Variants in CADM2 observed in about 807,000 individuals in gnomAD.
CADM2 encodes cell adhesion molecule 2.
In CADM2, 12 loss-of-function variants were observed where a neutral mutation model predicts 49.8. That is an observed-to-expected ratio of 0.24 (90% CI 0.15 to 0.39). The LOEUF (loss-of-function observed/expected upper bound fraction) is 0.39. Among genes scored for constraint, CADM2 ranks in the 10% least tolerant of loss-of-function variants. CADM2 has a pLI of 1.00. For missense variants in CADM2, 378 were observed against 492.3 expected (o/e 0.77, Z 2.20); for synonymous variants, 214 against 175.4 (o/e 1.22, Z -1.74).
chr3:85,395,576 A>T (rs1274559742), intron 1 of CADM2, among the ~76,000 whole-genome samples: 1 of 152,068 alleles, frequency 6.6e-6, no homozygotes, highest in African/African-American at 2.4e-5. Context: ...ATTGTTTGCT[A>T]CTCCAAAAAG....
chr3:86,052,315 G>C (rs1253270374), intron 8 of CADM2, among the ~76,000 whole-genome samples: 1 of 151,978 alleles, frequency 6.6e-6, no homozygotes, highest in African/African-American at 2.4e-5. Context: ...GACATTCTTA[G>C]GTATTAGGTA....
At chr3:85,450,078 T>A (rs577634844) in intron 1 of CADM2, among the ~76,000 whole-genome samples, 1 of 152,312 alleles carries the variant, frequency 6.6e-6, no homozygotes, top group South Asian at 2.1e-4. Context: ...TGAGCTGCTT[T>A]CCTGATTCCT....
rs74620020 is a variant in CADM2, at chr3:85,404,609, G to A, written c.62-321913G>A. Among the ~76,000 whole-genome samples the A allele has an allele frequency of 3.4e-4, 51 of 152,102 alleles. 2 individuals carry two copies. The East Asian group carries it at 7.0e-3, about 21-fold the overall frequency. ...TCAATCTATGTAAGACAATCCTAAC[G>A]GAAGGTAATCTTTTAATTCTATTTT... is the stretch of plus-strand genomic sequence containing the variant. On this transcript the variant is annotated intron_variant, in intron 1 of 9. Transcript: ENST00000383699.
Position 86,072,645 on chromosome 3 carries a change from T to G in CADM2, c.*5862T>G, listed in dbSNP as rs1703348135. The G allele has an allele frequency of 6.6e-6, 1 of 152,036 alleles. No homozygotes were observed. Among genetic ancestry groups the G allele is most frequent in the Non-Finnish European group, 1.5e-5 (1 of 67,960 alleles). The allele number at this position is 152,036 out of a possible 1,614,324, so 9.4% of individuals were successfully genotyped here. A position where few individuals can be genotyped will look rare whatever the true frequency, so the allele number is the denominator to read the frequency against. The stretch of plus-strand genomic sequence containing the variant: ...CAGTACTGTCAAACCTCAAATGCTT[T>G]CTTTCTTCAGATGCTTTTTCGTGTA... On this transcript the variant is annotated 3_prime_UTR_variant, in exon 10 of 10. Coordinates refer to ENST00000383699, the MANE Select transcript of CADM2 (RefSeq NM_001167675.2).
At chr3:85,914,015 C>T (rs1717960935) in intron 6 of CADM2, among the ~76,000 whole-genome samples, 1 of 152,000 alleles carries the variant, frequency 6.6e-6, no homozygotes, top group Non-Finnish European at 1.5e-5. Flanking sequence ...GGAGAATTGC[C>T]AGGTGAACTA....
At chr3:85,976,752 A>G (rs1287589958) in intron 8 of CADM2, among the ~76,000 whole-genome samples, 1 of 151,510 alleles carries the variant, frequency 6.6e-6, no homozygotes, top group African/African-American at 2.4e-5. Context: ...TTTTAGCCAC[A>G]TATGATGTCA....
intron 1 of CADM2, among the ~76,000 whole-genome samples, chr3:85,210,038 G>C (rs535220691): frequency 1.3e-5 from 2 of 152,288 alleles, no homozygotes; most frequent in South Asian, 4.1e-4. Context: ...GGAAACATCA[G>C]ATAAGAAAAG....
At chr3:85,069,436 A>G (rs551366848) in intron 1 of CADM2, among the ~76,000 whole-genome samples, 3 of 152,178 alleles carry the variant, frequency 2.0e-5, no homozygotes, top group Non-Finnish European at 4.4e-5. Context: ...AAAAAATAAT[A>G]CCTTAAGTAT....
At chr3:85,547,416 T>C (rs562204925) in intron 1 of CADM2, among the ~76,000 whole-genome samples, 2 of 152,280 alleles carry the variant, frequency 1.3e-5, no homozygotes, top group South Asian at 4.1e-4. Flanking sequence ...TAATTACATA[T>C]TGAAAATCCA....
At position 84,959,508 on chromosome 3, in the gene CADM2, G is replaced by C. The variant is rs1285662639; in HGVS notation, c.-100G>C. 6.8e-6 allele frequency: 8 copies of C among 1,179,076 alleles called. No individual in the cohort carries two copies. Among genetic ancestry groups the C allele is most frequent in the Non-Finnish European group, 9.6e-6 (8 of 834,468 alleles). 73.0% of individuals were successfully genotyped at this position (1,179,076 alleles called of 1,614,324 possible). On this transcript the variant is annotated 5_prime_UTR_variant, in exon 1 of 10. Transcript: ENST00000383699. ...GGTGGGGACGGTGGGTCCGGCGGGC[G>C]CCGGGAGGAGGACACCAGCGGAGCC...
At chr3:85,228,349 GTCT>G (rs1277907624) in intron 1 of CADM2, among the ~76,000 whole-genome samples, 6 of 151,632 alleles carry the variant, frequency 4.0e-5, no homozygotes, top group Non-Finnish European at 7.4e-5. Context: ...CTCTAATCTT[GTCT>G]TCTTACTTTA....
At chr3:85,755,675 G>C (rs973734646) in intron 2 of CADM2, among the ~76,000 whole-genome samples, 5 of 152,064 alleles carry the variant, frequency 3.3e-5, no homozygotes, top group African/African-American at 1.2e-4. Context: ...ATATTTTACA[G>C]GGCTGGAGCA....
At chr3:85,601,173 T>TCCC (rs2063392416) in intron 1 of CADM2, among the ~76,000 whole-genome samples, 1 of 99,454 alleles carries the variant, frequency 1.0e-5, no homozygotes, top group Non-Finnish European at 1.9e-5. Context: ...TATATATATA[T>TCCC]ACACACACAC....
At chr3:85,310,882 A>C (rs2044325397) in intron 1 of CADM2, among the ~76,000 whole-genome samples, 2 of 152,158 alleles carry the variant, frequency 1.3e-5, no homozygotes, top group African/African-American at 4.8e-5. Flanking sequence ...ATAAAAATAT[A>C]TGTATTATAT....
At chr3:85,706,716 A>G (rs1244881683) in intron 1 of CADM2, among the ~76,000 whole-genome samples, 2 of 152,212 alleles carry the variant, frequency 1.3e-5, no homozygotes, top group Admixed American at 6.5e-5. Flanking sequence ...AAGTTGGTAG[A>G]AGGAGAGAAC....
At chr3:85,881,617 A>C (rs1245310934) in intron 3 of CADM2, among the ~76,000 whole-genome samples, 1 of 152,068 alleles carries the variant, frequency 6.6e-6, no homozygotes, top group Non-Finnish European at 1.5e-5. Flanking sequence ...TTGTGCTGCT[A>C]TTTGGACAGG....
intron 1 of CADM2, among the ~76,000 whole-genome samples, chr3:85,128,489 C>A (rs897400928): frequency 3.3e-5 from 5 of 152,104 alleles, no homozygotes; most frequent in African/African-American, 9.7e-5. Flanking sequence ...CTTAACATTT[C>A]TAACAATCCT....
intron 1 of CADM2, among the ~76,000 whole-genome samples, chr3:85,493,460 T>TA (rs2039760373): frequency 6.6e-6 from 1 of 152,214 alleles, no homozygotes; most frequent in South Asian, 2.1e-4. Context: ...CATTTTTTCT[T>TA]ACGTGATTTT....
At chr3:85,673,507 C>T (rs1321520754) in intron 1 of CADM2, among the ~76,000 whole-genome samples, 1 of 137,954 alleles carries the variant, frequency 7.2e-6, no homozygotes, top group Non-Finnish European at 1.6e-5. Context: ...AAAAAAAAAA[C>T]CTGCCCAAAA....
Sources: gnomAD v4.1 joint callset for allele counts (sites outside exome capture counted in the v4.1 genomes callset) on GRCh38, gnomAD v4.1.1 for gene constraint, MANE v1.5 for transcripts, NCBI Gene and HGNC (gene_info 2026-07-23, HGNC 2026-07-21) for gene names.